NFAM1: variants seen among roughly 807,000 people sequenced by gnomAD.
NFAM1 encodes NFAT activation molecule 1.
Under a neutral mutation model 29.0 loss-of-function variants are expected in NFAM1, and 17 were observed. The ratio of observed to expected loss-of-function variants is 0.59; its 90% CI spans 0.40 to 0.88. The LOEUF is 0.88. Ranked by LOEUF, NFAM1 falls within the 40% of genes least tolerant of loss-of-function variation. The pLI is 0.00. For synonymous variants in NFAM1, 175 were observed against 147.2 expected, an observed-to-expected ratio of 1.19 and a Z score of -1.36; for missense variants, 324 against 344.6, an observed-to-expected ratio of 0.94 and a Z score of 0.47.
At chr22:42,423,303 A>G (rs1346812020) in intron 1 of NFAM1, among the ~76,000 whole-genome samples, 2 of 151,946 alleles carry the variant, frequency 1.3e-5, no homozygotes, top group Admixed American at 6.6e-5. Flanking sequence ...GAGTCCAGAC[A>G]GGGGGGCCCA....
chr22:42,420,583 C>T (rs1240399001), intron 1 of NFAM1, among the ~76,000 whole-genome samples: 3 of 151,834 alleles, frequency 2.0e-5, no homozygotes, highest in South Asian at 2.1e-4. Context: ...CTGGCCAACA[C>T]GGTGAAACAC....
At chr22:42,435,748 G>A (rs530921825), upstream of NFAM1, among the ~76,000 whole-genome samples, 4 of 151,396 alleles carry the variant, frequency 2.6e-5, no homozygotes, top group Admixed American at 6.6e-5. Context: ...CCCTCAAGGC[G>A]CTCCCTGTCC....
chr22:42,415,259 C>G (rs1454329533), intron 1 of NFAM1, among the ~76,000 whole-genome samples: 1 of 151,860 alleles, frequency 6.6e-6, no homozygotes, highest in East Asian at 1.9e-4. Context: ...CTCACCACCT[C>G]CCCTGCACCT....
At chr22:42,429,387 G>A (rs879534463) in intron 1 of NFAM1, among the ~76,000 whole-genome samples, 30 of 151,560 alleles carry the variant, frequency 2.0e-4, no homozygotes, top group Middle Eastern at 3.2e-3. Context: ...AGGCCAAGGT[G>A]GGGGGATCAC....
At chr22:42,400,355 T>C (rs1387979732) in intron 3 of NFAM1, among the ~76,000 whole-genome samples, 4 of 152,154 alleles carry the variant, frequency 2.6e-5, no homozygotes, top group Non-Finnish European at 5.9e-5. Context: ...CAGTGGTTCA[T>C]GTCTGTAATA....
chr22:42,423,513 A>G (rs940107094), intron 1 of NFAM1, among the ~76,000 whole-genome samples: 4 of 152,082 alleles, frequency 2.6e-5, no homozygotes, highest in Admixed American at 2.0e-4. Flanking sequence ...TCAGGAATTC[A>G]AGGCCAGTCT....
upstream of NFAM1, chr22:42,432,427 C>G: frequency 2.0e-6 from 3 of 1,463,902 alleles, no homozygotes; most frequent in Non-Finnish European, 2.7e-6. Context: ...ACAGCTTCCC[C>G]TTTGCTTTCC....
rs1930017363 is a variant in NFAM1 at position 42,409,681 on chromosome 22, C to G, written c.452-134G>C. 1 of 418,876 alleles carries G rather than the reference C, an allele frequency of 2.4e-6. No homozygotes were observed. The highest frequency in any genetic ancestry group is 4.3e-6 in the Non-Finnish European group (1 of 235,264). 25.9% of individuals were successfully genotyped at this position (418,876 alleles called of 1,614,324 possible). A position where few individuals can be genotyped will look rare whatever the true frequency, so the allele number is the denominator to read the frequency against. On this transcript the variant is annotated intron_variant, in intron 2 of 5. Transcript: ENST00000329021. This position sits in a 1 kb window ranked among gnomAD's most constrained non-coding sequence, Gnocchi z 4.9. ...CAACACGCTCCACACCCCACTAGGC[C>G]CCCTGGGAGCCAGGGTTCGGGCCTT...
rs1455507414 is a variant in NFAM1, at chr22:42,383,104, G to A, written c.*2057C>T. ...AGGGAGGCCGTGTTGGTGATGCCTG[G>A]GCCAGGGCACAGTGGTAAAGTTTAA... On this transcript the variant is annotated 3_prime_UTR_variant, in exon 6 of 6. Transcript: ENST00000329021. 1 of 153,690 alleles carries A rather than the reference G, an allele frequency of 6.5e-6. No homozygotes were observed. The highest frequency in any genetic ancestry group is 2.4e-5 in the African/African-American group (1 of 41,472). The allele number at this position is 153,690 out of a possible 1,614,324, so 9.5% of individuals were successfully genotyped here.
intron 2 of NFAM1, chr22:42,410,511 T>G (rs1569231674): frequency 5.6e-6 from 2 of 357,476 alleles, no homozygotes; most frequent in Non-Finnish European, 1.1e-5. Flanking sequence ...ATACAAAAAG[T>G]AGCCAGGTGT....
chr22:42,432,863 G>A (rs974688029), upstream of NFAM1, among the ~76,000 whole-genome samples: 5 of 152,140 alleles, frequency 3.3e-5, no homozygotes, highest in African/African-American at 1.2e-4. Context: ...TGAAGGGCAG[G>A]AGCCTCATGT....
At chr22:42,426,101 C>G (rs963368373) in intron 1 of NFAM1, among the ~76,000 whole-genome samples, 1 of 152,172 alleles carries the variant, frequency 6.6e-6, no homozygotes, top group African/African-American at 2.4e-5. Context: ...TGGCTGGCTT[C>G]TTCAGGGGAT....
intron 1 of NFAM1, among the ~76,000 whole-genome samples, chr22:42,423,452 T>C (rs959473836): frequency 1.3e-5 from 2 of 152,052 alleles, no homozygotes; most frequent in Admixed American, 6.6e-5. Context: ...CTGTAGAAAT[T>C]CTAAAAATGC....
intron 1 of NFAM1, among the ~76,000 whole-genome samples, chr22:42,415,469 T>G (rs1930230733): frequency 6.6e-6 from 1 of 151,932 alleles, no homozygotes; most frequent in Non-Finnish European, 1.5e-5. Flanking sequence ...CTGGCTAATT[T>G]TTTGTATTTT....
At chr22:42,403,545 C>T (rs1463617737) in intron 3 of NFAM1, among the ~76,000 whole-genome samples, 3 of 152,284 alleles carry the variant, frequency 2.0e-5, no homozygotes, top group East Asian at 1.9e-4. Flanking sequence ...CTTGAACTCC[C>T]GACCTCAGGT....
chr22:42,426,821 G>A (rs1930638677), intron 1 of NFAM1, among the ~76,000 whole-genome samples: 1 of 152,112 alleles, frequency 6.6e-6, no homozygotes, highest in African/African-American at 2.4e-5. Context: ...GACCGAAGAT[G>A]AGCACTGAGT....
chr22:42,420,018 T>C (rs544568505), intron 1 of NFAM1, among the ~76,000 whole-genome samples: 1 of 130,446 alleles, frequency 7.7e-6, no homozygotes, highest in Non-Finnish European at 1.6e-5. Flanking sequence ...TTTTTTTTTT[T>C]TTTTTTTTCT....
chr22:42,422,199 C>G (rs943801123), intron 1 of NFAM1, among the ~76,000 whole-genome samples: 1 of 152,154 alleles, frequency 6.6e-6, no homozygotes, highest in Non-Finnish European at 1.5e-5. Context: ...CCAGGGTGTA[C>G]GGTGGCCGCT....
chr22:42,402,896 C>T (rs940550923), intron 3 of NFAM1, among the ~76,000 whole-genome samples: 6 of 132,214 alleles, frequency 4.5e-5, no homozygotes, highest in African/African-American at 1.2e-4. Context: ...AGTGCAGTAG[C>T]GCAATCCAGG....
Sources: gnomAD v4.1 joint callset for allele counts (sites outside exome capture counted in the v4.1 genomes callset) on GRCh38, gnomAD v4.1.1 for gene constraint, Gnocchi (gnomAD v3.1) non-coding constraint, MANE v1.5 for transcripts, NCBI Gene and HGNC (gene_info 2026-07-23, HGNC 2026-07-21) for gene names.